Variants in SNX29 observed in about 807,000 individuals in gnomAD.
SNX29 encodes the protein sorting nexin-29.
SNX29 carries 78 observed loss-of-function variants against 102.1 expected under a neutral mutation model. The ratio of observed to expected loss-of-function variants is 0.76; its 90% CI spans 0.64 to 0.92. SNX29 has a LOEUF of 0.92. Among genes scored for constraint, SNX29 ranks in the 40% least tolerant of loss-of-function variants. The probability of loss-of-function intolerance (pLI) is 0.00; values close to 1 mark genes in which losing one functional copy is unlikely to be tolerated. For synonymous variants in SNX29, 580 were observed against 414.5 expected (o/e 1.40, Z -4.85); for missense variants, 1,280 against 1,061.7 (o/e 1.21, Z -2.86).
intron 16 of SNX29, among the ~76,000 whole-genome samples, chr16:12,389,679 C>T (rs8063030): frequency 0.39 from 59,411 of 152,070 alleles, 12,305 homozygotes; most frequent in East Asian, 0.49. Flanking sequence ...AGAAGAACTC[C>T]TCCTTAGCAA....
chr16:12,536,054 C>A (rs546544618), intron 20 of SNX29, among the ~76,000 whole-genome samples: 3 of 152,126 alleles, frequency 2.0e-5, no homozygotes, highest in Non-Finnish European at 4.4e-5. Flanking sequence ...GAGCTGAGCC[C>A]TTTGTCTTCA....
intron 2 of SNX29, among the ~76,000 whole-genome samples, chr16:12,001,629 A>G (rs760016185): frequency 6.6e-6 from 1 of 152,186 alleles, no homozygotes; most frequent in Non-Finnish European, 1.5e-5. Context: ...ATACACACAC[A>G]CAGATACACA....
rs201249726 is a variant in SNX29, at chr16:12,407,334, T to C, written c.2037+3805T>C. Among the ~76,000 whole-genome samples, 110 of 152,104 alleles carry C rather than the reference T, an allele frequency of 7.2e-4. 5 individuals carry two copies. In the East Asian group the frequency reaches 0.017, roughly 23 times the overall value. Reference sequence around the variant, plus strand: ...GCTTAAGGTTAATTAGATTGTTTTTTTTTTTTCTGTATTCATTTTTACATT... The same window carrying C: ...GCTTAAGGTTAATTAGATTGTTTTTCTTTTTTCTGTATTCATTTTTACATT... On this transcript the variant is annotated intron_variant, in intron 18 of 20. Coordinates refer to ENST00000566228, the MANE Select transcript of SNX29 (RefSeq NM_032167.5).
chr16:12,426,918 G>A (rs529706283), intron 18 of SNX29, among the ~76,000 whole-genome samples: 83 of 152,214 alleles, frequency 5.5e-4, no homozygotes, highest in African/African-American at 1.3e-3. Context: ...CACCTGCCTC[G>A]GCCTCCCAAA....
chr16:12,330,546 C>T (rs989017210), intron 15 of SNX29, among the ~76,000 whole-genome samples: 3 of 152,210 alleles, frequency 2.0e-5, no homozygotes, highest in Non-Finnish European at 4.4e-5. Context: ...CAGCTCTGGA[C>T]GACAGGTGGT....
intron 14 of SNX29, among the ~76,000 whole-genome samples, chr16:12,243,330 C>T (rs1378798441): frequency 3.3e-5 from 5 of 152,244 alleles, no homozygotes; most frequent in African/African-American, 7.2e-5. Flanking sequence ...GTCTGGCCCT[C>T]GCTGATCTCT....
chr16:12,204,260 C>T (rs566788600), intron 14 of SNX29, among the ~76,000 whole-genome samples: 14 of 152,122 alleles, frequency 9.2e-5, no homozygotes, highest in Non-Finnish European at 1.8e-4. Context: ...GCAGTCATTC[C>T]GCCAGCCTCC....
intron 20 of SNX29, among the ~76,000 whole-genome samples, chr16:12,539,008 C>T (rs138891272): frequency 1.5e-3 from 230 of 152,230 alleles, no homozygotes; most frequent in African/African-American, 5.4e-3. Flanking sequence ...GTAATTCGAG[C>T]CAAAACCATC....
At chr16:12,386,057 GAGTTCTGGTCTT>G (rs1468836644) in intron 16 of SNX29, among the ~76,000 whole-genome samples, 1 of 152,202 alleles carries the variant, frequency 6.6e-6, no homozygotes, top group Non-Finnish European at 1.5e-5. Flanking sequence ...CGTCACTGCA[GAGTTCTGGTCTT>G]AGACTGGCTG....
intron 20 of SNX29, among the ~76,000 whole-genome samples, chr16:12,563,561 C>G (rs375249094): frequency 1.3e-5 from 2 of 152,126 alleles, no homozygotes; most frequent in African/African-American, 4.8e-5. Flanking sequence ...AGGGGTCTAC[C>G]CCACCCCTTT....
At chr16:12,115,008 A>C (rs2141290035) in intron 11 of SNX29, among the ~76,000 whole-genome samples, 1 of 152,208 alleles carries the variant, frequency 6.6e-6, no homozygotes, top group African/African-American at 2.4e-5. Context: ...GGAACACTTA[A>C]CTTCTCTCGG....
At chr16:12,112,224 G>A (rs1345304446) in intron 11 of SNX29, among the ~76,000 whole-genome samples, 1 of 152,162 alleles carries the variant, frequency 6.6e-6, no homozygotes, top group Non-Finnish European at 1.5e-5. Context: ...TGTCCTGAGA[G>A]TGCCCAGTCA....
Position 12,571,687 on chromosome 16 carries a change from T to C in SNX29, c.*3058T>C, listed in dbSNP as rs1361693170. On this transcript the variant is annotated 3_prime_UTR_variant, in exon 21 of 21. Coordinates refer to ENST00000566228, the MANE Select transcript of SNX29 (RefSeq NM_032167.5). Reference sequence around the variant, plus strand: ...AGGGCTGGGCAGAGGTGTCTCTCCTTGAGAGACAACAAAAGCTTCTAAGGG... The same window carrying C: ...AGGGCTGGGCAGAGGTGTCTCTCCTCGAGAGACAACAAAAGCTTCTAAGGG... The C allele has an allele frequency of 1.2e-5, 13 of 1,058,812 alleles. No homozygotes were observed. The highest frequency in any genetic ancestry group is 5.4e-5 in the Admixed American group (1 of 18,492). The allele number at this position is 1,058,812 out of a possible 1,614,324, so 65.6% of individuals were successfully genotyped here.
intron 11 of SNX29, 65 bp downstream of exon 11, chr16:12,078,980 T>C: frequency 7.2e-7 from 1 of 1,386,170 alleles, no homozygotes. Flanking sequence ...CTCATGGCGG[T>C]GCCTTTGTGC....
chr16:12,186,602 C>G (rs1023580995), intron 13 of SNX29, among the ~76,000 whole-genome samples: 8 of 152,208 alleles, frequency 5.3e-5, no homozygotes, highest in Admixed American at 4.6e-4. Flanking sequence ...CCTTTCATGG[C>G]TAATCTCTCT....
intron 18 of SNX29, among the ~76,000 whole-genome samples, chr16:12,452,063 C>G (rs1026456815): frequency 1.3e-5 from 2 of 152,198 alleles, no homozygotes; most frequent in Non-Finnish European, 2.9e-5. Context: ...CACTGAAGCT[C>G]AGACCTGTCA....
At chr16:12,372,253 C>T (rs984180604) in intron 16 of SNX29, among the ~76,000 whole-genome samples, 2 of 152,166 alleles carry the variant, frequency 1.3e-5, no homozygotes, top group Admixed American at 1.3e-4. Flanking sequence ...TGTCGACTTC[C>T]TCCTCTTTCA....
At chr16:12,380,310 C>T (rs2083025975) in intron 16 of SNX29, among the ~76,000 whole-genome samples, 1 of 149,872 alleles carries the variant, frequency 6.7e-6, no homozygotes, top group Non-Finnish European at 1.5e-5. Context: ...CCCAACCACC[C>T]ACCTATCATC....
intron 18 of SNX29, among the ~76,000 whole-genome samples, chr16:12,440,760 A>G (rs2085763274): frequency 6.6e-6 from 1 of 152,188 alleles, no homozygotes; most frequent in South Asian, 2.1e-4. Context: ...GTCCCTGCAA[A>G]GGACATGATC....
Sources: gnomAD v4.1 joint callset for allele counts (sites outside exome capture counted in the v4.1 genomes callset) on GRCh38, gnomAD v4.1.1 for gene constraint, MANE v1.5 for transcripts, NCBI Gene and HGNC (gene_info 2026-07-23, HGNC 2026-07-21) for gene names.